Variants in ANKRD13C observed in about 807,000 individuals in gnomAD.
The protein encoded by ANKRD13C is ankyrin repeat domain-containing protein 13C.
Under a neutral mutation model 65.5 loss-of-function variants are expected in ANKRD13C, and 16 were observed. The observed-to-expected ratio is 0.24, with a 90% confidence interval of 0.17 to 0.37. ANKRD13C has a LOEUF of 0.37. Ranked by LOEUF, ANKRD13C falls within the 10% of genes least tolerant of loss-of-function variation. The probability of loss-of-function intolerance (pLI) is 1.00; values close to 1 mark genes in which losing one functional copy is unlikely to be tolerated. For synonymous variants in ANKRD13C, 235 were observed against 238.7 expected, an observed-to-expected ratio of 0.98 and a Z score of 0.14; for missense variants, 503 against 655.9, an observed-to-expected ratio of 0.77 and a Z score of 2.55.
At chr1:70,272,430 G>C (rs1468054038) in intron 11 of ANKRD13C, among the ~76,000 whole-genome samples, 2 of 151,860 alleles carry the variant, frequency 1.3e-5, no homozygotes, top group African/African-American at 4.8e-5. Flanking sequence ...ATGTTGGTCA[G>C]GCTGGTCTCA....
At chr1:70,270,011 T>C (rs1025062720) in intron 12 of ANKRD13C, among the ~76,000 whole-genome samples, 4 of 152,366 alleles carry the variant, frequency 2.6e-5, no homozygotes, top group African/African-American at 9.6e-5. Flanking sequence ...AATAGTGTCT[T>C]CTTCCTTGGT....
chr1:70,332,498 G>A (rs939128622), intron 2 of ANKRD13C, among the ~76,000 whole-genome samples: 3 of 152,034 alleles, frequency 2.0e-5, no homozygotes, highest in African/African-American at 4.8e-5. Context: ...ACGGAGTCTC[G>A]CTCTGTTATC....
At chr1:70,333,585 G>A (rs910297393) in intron 2 of ANKRD13C, among the ~76,000 whole-genome samples, 5 of 152,132 alleles carry the variant, frequency 3.3e-5, no homozygotes, top group African/African-American at 1.2e-4. Context: ...ATCACTTGTG[G>A]CTTGGCTTGA....
In ANKRD13C at chr1:70,260,045, G is replaced by C. The variant is rs774074704; in HGVS notation, c.*2672C>G. ...TCCCCCAGTGTGTGAATAATAAACT[G>C]TATGTGAATACTACTATAAAAACCC... is the stretch of plus-strand genomic sequence containing the variant. On this transcript the variant is annotated 3_prime_UTR_variant, in exon 13 of 13. Transcript: ENST00000370944. 6.6e-6 allele frequency among the ~76,000 whole-genome samples: 1 copy of C among 152,106 alleles called. No individual in the cohort carries two copies. The highest frequency in any genetic ancestry group is 1.5e-5 in the Non-Finnish European group (1 of 67,992).
chr1:70,264,749 T>G (rs1033023130), intron 12 of ANKRD13C, among the ~76,000 whole-genome samples: 1 of 151,990 alleles, frequency 6.6e-6, no homozygotes, highest in African/African-American at 2.4e-5. Flanking sequence ...ATTACACTGG[T>G]TGGGAGGGTC....
rs549113702 is a variant in ANKRD13C at position 70,290,433 on chromosome 1, C to T, written c.1215+1955G>A. On this transcript the variant is annotated intron_variant, in intron 9 of 12. Coordinates refer to ENST00000370944, the MANE Select transcript of ANKRD13C (RefSeq NM_030816.5). ...GTGACTCACAATTTATATTACAATC[C>T]GGCACTCACACATATGCATGTTTAT... Among the ~76,000 whole-genome samples, 114 of 152,162 alleles carry T rather than the reference C, an allele frequency of 7.5e-4. 1 individual carries two copies. Among genetic ancestry groups the T allele is most frequent in the South Asian group, 2.7e-3 (13 of 4,820 alleles).
intron 9 of ANKRD13C, 90 bp downstream of exon 9, chr1:70,292,298 A>T: frequency 8.8e-6 from 8 of 908,504 alleles, no homozygotes; most frequent in Non-Finnish European, 1.2e-5. Context: ...AGCTGTGAGT[A>T]CATTTATATA....
chr1:70,319,607 CAA>C (rs1180827448), intron 3 of ANKRD13C, among the ~76,000 whole-genome samples: 1 of 121,158 alleles, frequency 8.3e-6, no homozygotes. Context: ...AACTCCATCT[CAA>C]AAAAAAAAAG....
intron 3 of ANKRD13C, among the ~76,000 whole-genome samples, chr1:70,319,029 A>G (rs1681193393): frequency 6.6e-6 from 1 of 152,060 alleles, no homozygotes; most frequent in African/African-American, 2.4e-5. Context: ...TTCTCTAAAA[A>G]CACTATGTCT....
chr1:70,333,745 C>T (rs1194688156), intron 2 of ANKRD13C, among the ~76,000 whole-genome samples: 5 of 151,936 alleles, frequency 3.3e-5, no homozygotes, highest in Admixed American at 2.6e-4. Context: ...AAGTCAATCA[C>T]GAAAAAGGAG....
intron 12 of ANKRD13C, among the ~76,000 whole-genome samples, chr1:70,265,824 C>CAAAAAAAAAAAAAAAAAAAAAAAAAA (rs775757290): frequency 2.8e-5 from 1 of 35,422 alleles, no homozygotes. Flanking sequence ...GACCTTGCCT[C>CAAAAAAAAAAAAAAAAAAAAAAAAAA]AAAAAAAAAA....
intron 6 of ANKRD13C, among the ~76,000 whole-genome samples, chr1:70,305,045 C>T (rs897100763): frequency 6.6e-6 from 1 of 151,868 alleles, no homozygotes; most frequent in East Asian, 1.9e-4. Flanking sequence ...ATCACTTGAG[C>T]CTGTATGTTC....
In ANKRD13C at chr1:70,339,812, TTTATTATTATTATTA is replaced by T. The variant is rs146940723; in HGVS notation, c.431-3728_431-3714del. ...CCTTCTTTTTCTCTTGATCAGTACGTTTATTATTATTATTATTATTATTATTATTATTATTATTAT... is the reference window on the plus strand; with the variant it reads ...CCTTCTTTTTCTCTTGATCAGTACGTTTATTATTATTATTATTATTATTAT... On this transcript the variant is annotated intron_variant, in intron 1 of 12. Transcript: ENST00000370944. 8.0e-3 allele frequency among the ~76,000 whole-genome samples: 1,069 copies of T among 133,870 alleles called. 5 individuals carry two copies. Among genetic ancestry groups the T allele is most frequent in the East Asian group, 0.025 (121 of 4,748 alleles). The allele number at this position is 133,870 out of a possible 152,430, so 87.8% of individuals were successfully genotyped here.
rs1397542725 is a variant in ANKRD13C, at chr1:70,300,820, C to G, written c.865G>C (p.Glu289Gln). The stretch of plus-strand genomic sequence containing the variant: ...TCATTGTCTAATACTACAAAAGATT[C>G]AGAGGGCGCCGCATCCCCATTGAAA... ...FIFNGDAAPS[E>Q]SFVVLDNEQK... The change falls in exon 7 of 13, where the codon GAA becomes CAA. Residue 289 changes from glutamate (E) to glutamine (Q), a missense_variant. Glu to Gln is a conservative substitution (Grantham distance 29). This residue lies in a region of ANKRD13C where 300 missense variants were observed against 478.3 expected (regional missense o/e 0.63). Coordinates refer to ENST00000370944, the MANE Select transcript of ANKRD13C (RefSeq NM_030816.5). 2 of 1,613,310 alleles carry G rather than the reference C, an allele frequency of 1.2e-6. No individual in the cohort carries two copies. Among genetic ancestry groups the G allele is most frequent in the African/African-American group, 2.7e-5 (2 of 74,790 alleles).
intron 9 of ANKRD13C, among the ~76,000 whole-genome samples, chr1:70,278,023 TAAA>T (rs759226869): frequency 7.2e-6 from 1 of 138,562 alleles, no homozygotes; most frequent in Non-Finnish European, 1.6e-5. Flanking sequence ...CTCTGTTTCT[TAAA>T]AAAAAAAAAA....
At chr1:70,320,295 CG>C (rs1167050820) in intron 3 of ANKRD13C, among the ~76,000 whole-genome samples, 1 of 151,748 alleles carries the variant, frequency 6.6e-6, no homozygotes, top group African/African-American at 2.4e-5. Flanking sequence ...GACCAGAAGA[CG>C]AAACTAAAAT....
chr1:70,265,283 AAG>A (rs149614804), intron 12 of ANKRD13C, among the ~76,000 whole-genome samples: 2 of 152,170 alleles, frequency 1.3e-5, no homozygotes, highest in South Asian at 2.1e-4. Context: ...GAAGAAAACC[AAG>A]AGAGAGTCTA....
At position 70,349,483 on chromosome 1, in the gene ANKRD13C, C is replaced by G. The variant is rs561037469; in HGVS notation, c.430+4496G>C. 2.1e-3 allele frequency among the ~76,000 whole-genome samples: 318 copies of G among 149,226 alleles called. 1 individual carries two copies. The highest frequency in any genetic ancestry group is 3.8e-3 in the Non-Finnish European group (258 of 67,554). On this transcript the variant is annotated intron_variant, in intron 1 of 12. Transcript: ENST00000370944. ...TTTGGACCCAGAATACAATACTTCA[C>G]AAAATAATTGATGACTCAAAAAAAA...
At chr1:70,314,599 A>G (rs562042806) in intron 4 of ANKRD13C, among the ~76,000 whole-genome samples, 3 of 152,278 alleles carry the variant, frequency 2.0e-5, no homozygotes, top group African/African-American at 4.8e-5. Flanking sequence ...TATTCTAAAT[A>G]TAAGTAGAGC....
Sources: allele counts gnomAD v4.1 joint callset (sites outside exome capture counted in the v4.1 genomes callset), GRCh38; gene constraint gnomAD v4.1.1; regional missense constraint gnomAD v4.1.1; transcripts MANE v1.5; gene names NCBI Gene and HGNC (gene_info 2026-07-23, HGNC 2026-07-21).